The following AGBL4 variants were observed in gnomAD, a reference collection of about 807,000 sequenced individuals.
AGBL4 encodes the protein cytosolic carboxypeptidase 6.
Under a neutral mutation model 66.4 loss-of-function variants are expected in AGBL4, and 58 were observed. The observed-to-expected ratio is 0.87, with a 90% confidence interval of 0.71 to 1.09. AGBL4 has a LOEUF of 1.09. AGBL4 is among the 50% of genes least tolerant of loss of function. The probability of loss-of-function intolerance (pLI) is 0.00; values close to 1 mark genes in which losing one functional copy is unlikely to be tolerated. For synonymous variants in AGBL4, 234 were observed against 222.9 expected (o/e 1.05, Z -0.44); for missense variants, 579 against 631.0 (o/e 0.92, Z 0.88).
chr1:49,833,360 T>C (rs1368243937), intron 2 of AGBL4, among the ~76,000 whole-genome samples: 2 of 151,924 alleles, frequency 1.3e-5, no homozygotes, highest in Admixed American at 6.6e-5. Context: ...TATATCTCTG[T>C]TTTGGTACCA....
At chr1:49,283,638 G>T (rs1337321370) in intron 3 of AGBL4, among the ~76,000 whole-genome samples, 1 of 151,734 alleles carries the variant, frequency 6.6e-6, no homozygotes. Flanking sequence ...TTAGAAGAAT[G>T]TATAACTAGA....
At chr1:49,508,225 C>G (rs1362202094) in intron 3 of AGBL4, among the ~76,000 whole-genome samples, 1 of 151,942 alleles carries the variant, frequency 6.6e-6, no homozygotes, top group Non-Finnish European at 1.5e-5. Context: ...TACAGATTAT[C>G]TATTACAATC....
chr1:48,911,053 C>A (rs1570981038), intron 5 of AGBL4, among the ~76,000 whole-genome samples: 1 of 152,190 alleles, frequency 6.6e-6, no homozygotes, highest in East Asian at 1.9e-4. Flanking sequence ...TTTGTGTGAC[C>A]CTTTAAAAAA....
At chr1:48,648,533 T>C (rs543256626) in intron 8 of AGBL4, among the ~76,000 whole-genome samples, 2 of 151,692 alleles carry the variant, frequency 1.3e-5, no homozygotes, top group African/African-American at 4.8e-5. Flanking sequence ...CTCAGGAGAG[T>C]AGTGAAAATT....
intron 5 of AGBL4, among the ~76,000 whole-genome samples, chr1:48,889,381 A>C (rs1229226090): frequency 1.3e-5 from 2 of 152,222 alleles, no homozygotes; most frequent in Non-Finnish European, 2.9e-5. Flanking sequence ...AGCAAAAAAA[A>C]GGTAGGGAAA....
At chr1:48,690,023 T>C (rs1481423608) in intron 6 of AGBL4, among the ~76,000 whole-genome samples, 1 of 152,272 alleles carries the variant, frequency 6.6e-6, no homozygotes, top group Admixed American at 6.5e-5. Context: ...TAACTCGTTA[T>C]GGTTTTTGGG....
At chr1:48,560,157 A>G (rs889318109) in intron 11 of AGBL4, among the ~76,000 whole-genome samples, 3 of 152,214 alleles carry the variant, frequency 2.0e-5, no homozygotes, top group African/African-American at 7.2e-5. Flanking sequence ...TATAAGATTT[A>G]CGCAGGTGTT....
At chr1:49,062,724 A>C (rs1644425209) in intron 4 of AGBL4, among the ~76,000 whole-genome samples, 1 of 152,176 alleles carries the variant, frequency 6.6e-6, no homozygotes, top group African/African-American at 2.4e-5. Flanking sequence ...AGGTATCACC[A>C]CTGATACCCA....
intron 3 of AGBL4, among the ~76,000 whole-genome samples, chr1:49,596,893 C>A (rs1484604279): frequency 6.6e-6 from 1 of 152,202 alleles, no homozygotes; most frequent in Non-Finnish European, 1.5e-5. Context: ...AGTGCTCTCA[C>A]AACCATTAGT....
intron 6 of AGBL4, among the ~76,000 whole-genome samples, chr1:48,757,313 G>C (rs189642567): frequency 6.6e-6 from 1 of 152,250 alleles, no homozygotes; most frequent in East Asian, 1.9e-4. Flanking sequence ...ACCACTACAA[G>C]AACAATACAG....
intron 4 of AGBL4, among the ~76,000 whole-genome samples, chr1:49,176,777 A>G (rs1223547388): frequency 2.0e-5 from 3 of 152,138 alleles, no homozygotes; most frequent in Admixed American, 6.6e-5. Context: ...ACTCCTGGGT[A>G]CTATCAAAAA....
chr1:49,429,210 G>A (rs1055628028), intron 3 of AGBL4, among the ~76,000 whole-genome samples: 3 of 152,100 alleles, frequency 2.0e-5, no homozygotes, highest in Admixed American at 2.0e-4. Flanking sequence ...GTTATACAGT[G>A]TCCATAACAG....
At chr1:49,694,631 C>T (rs370760818) in intron 3 of AGBL4, among the ~76,000 whole-genome samples, 36 of 152,198 alleles carry the variant, frequency 2.4e-4, no homozygotes, top group African/African-American at 8.7e-4. Flanking sequence ...GTAAGAGTAA[C>T]CCTTTAAAAA....
intron 3 of AGBL4, among the ~76,000 whole-genome samples, chr1:49,477,948 A>C (rs1383958902): frequency 6.6e-6 from 1 of 151,730 alleles, no homozygotes; most frequent in African/African-American, 2.4e-5. Context: ...GTCTTTTAAT[A>C]GCAGAACTGA....
intron 5 of AGBL4, among the ~76,000 whole-genome samples, chr1:49,034,449 G>A (rs948520284): frequency 2.0e-5 from 3 of 152,022 alleles, no homozygotes; most frequent in African/African-American, 7.2e-5. Context: ...AATATGCCTA[G>A]GTCTCTGTTC....
At chr1:49,280,886 T>TATAA (rs1471917751) in intron 3 of AGBL4, among the ~76,000 whole-genome samples, 1 of 152,178 alleles carries the variant, frequency 6.6e-6, no homozygotes, top group Non-Finnish European at 1.5e-5. Context: ...TAAATAGACC[T>TATAA]ATAATTCAAT....
chr1:48,984,952 G>C (rs895206153), intron 5 of AGBL4, among the ~76,000 whole-genome samples: 13 of 152,066 alleles, frequency 8.5e-5, no homozygotes, highest in African/African-American at 3.1e-4. Context: ...TTAGGATAAA[G>C]AGGTAACTGG....
intron 3 of AGBL4, among the ~76,000 whole-genome samples, chr1:49,585,923 A>AT (rs1288570028): frequency 2.0e-5 from 3 of 152,024 alleles, no homozygotes; most frequent in Admixed American, 1.3e-4. Context: ...AATAATTCCC[A>AT]TTTTTCCCCC....
In AGBL4 at chr1:48,793,826, C is replaced by T. The variant is rs72890021; in HGVS notation, c.634+73365G>A. 1.7e-3 allele frequency among the ~76,000 whole-genome samples: 266 copies of T among 152,212 alleles called. 4 individuals are homozygous for T. The highest frequency in any genetic ancestry group is 6.2e-3 in the African/African-American group (257 of 41,518). On this transcript the variant is annotated intron_variant, in intron 6 of 13. Coordinates refer to ENST00000371839, the MANE Select transcript of AGBL4 (RefSeq NM_032785.4). Reference sequence around the variant, plus strand: ...AGTCAGCCTCAATGCCTTTTCAAAGCGGGTATAAAGTCATCAGTTAGAGAA... The same window carrying T: ...AGTCAGCCTCAATGCCTTTTCAAAGTGGGTATAAAGTCATCAGTTAGAGAA...
Sources: allele counts gnomAD v4.1 joint callset (sites outside exome capture counted in the v4.1 genomes callset), GRCh38; gene constraint gnomAD v4.1.1; transcripts MANE v1.5; gene names NCBI Gene and HGNC (gene_info 2026-07-23, HGNC 2026-07-21).